Variants in AFG2A observed in about 807,000 individuals in gnomAD.
AFG2A encodes AAA ATPase AFG2A, also known as ATPase family gene 2 protein homolog A.
chr4:123,060,113 T>C, the AFG2A span, among the ~76,000 whole-genome samples: 19 of 152,212 alleles, frequency 1.2e-4, no homozygotes, highest in Admixed American at 2.0e-4. Context: ...CCCATGGTCT[T>C]GGGCAGCTCT....
At chr4:123,240,074 A>G in the AFG2A span, among the ~76,000 whole-genome samples, 248 of 152,330 alleles carry the variant, frequency 1.6e-3, no homozygotes, top group African/African-American at 5.7e-3. Context: ...ATCAAAAGAA[A>G]CAAAGAAGGT....
chr4:123,007,566 A>ATGTGTG, the AFG2A span, among the ~76,000 whole-genome samples: 2 of 40,184 alleles, frequency 5.0e-5, no homozygotes, highest in Admixed American at 3.3e-4. Flanking sequence ...GTGTGTGTGT[A>ATGTGTG]TATGTGTGTG....
chr4:123,002,049 C>T, the AFG2A span, among the ~76,000 whole-genome samples: 1 of 152,020 alleles, frequency 6.6e-6, no homozygotes, highest in Non-Finnish European at 1.5e-5. Flanking sequence ...ATCCCTTTAC[C>T]ATTATGTAAT....
chr4:123,074,812 C>T, the AFG2A span, among the ~76,000 whole-genome samples: 1 of 152,202 alleles, frequency 6.6e-6, no homozygotes, highest in African/African-American at 2.4e-5. Context: ...CCAAATGATA[C>T]TCTAGAAAGC....
At chr4:122,939,515 C>CT in the AFG2A span, among the ~76,000 whole-genome samples, 5 of 152,266 alleles carry the variant, frequency 3.3e-5, no homozygotes, top group South Asian at 4.1e-4. Flanking sequence ...ATACACTTTT[C>CT]ATGCTGGATT....
chr4:123,162,740 T>G, the AFG2A span, among the ~76,000 whole-genome samples: 2 of 152,174 alleles, frequency 1.3e-5, no homozygotes, highest in South Asian at 2.1e-4. Context: ...TATGAAGAGC[T>G]GTGGGTTGAC....
At chr4:123,076,989 C>T in the AFG2A span, among the ~76,000 whole-genome samples, 6 of 128,806 alleles carry the variant, frequency 4.7e-5, no homozygotes, top group African/African-American at 1.5e-4. Flanking sequence ...GGTGGTGGGG[C>T]GGGGGGGTTG....
At chr4:123,037,616 G>A in the AFG2A span, among the ~76,000 whole-genome samples, 14 of 151,838 alleles carry the variant, frequency 9.2e-5, no homozygotes, top group Non-Finnish European at 1.6e-4. Flanking sequence ...TGTTTATAAC[G>A]GGTACTAATA....
the AFG2A span, among the ~76,000 whole-genome samples, chr4:123,102,444 A>C: frequency 6.6e-6 from 1 of 151,808 alleles, no homozygotes; most frequent in African/African-American, 2.4e-5. Context: ...TGAGCAGCAT[A>C]TTTTCTTTTT....
the AFG2A span, among the ~76,000 whole-genome samples, chr4:123,135,595 G>T: frequency 6.6e-6 from 1 of 152,186 alleles, no homozygotes; most frequent in East Asian, 1.9e-4. Flanking sequence ...TATGCCTGCT[G>T]AATATCTACA....
At chr4:123,250,818 C>T in the AFG2A span, among the ~76,000 whole-genome samples, 1 of 152,098 alleles carries the variant, frequency 6.6e-6, no homozygotes, top group South Asian at 2.1e-4. Context: ...ATTGAGTTGT[C>T]ATATAGTGAT....
At chr4:122,983,199 T>G in the AFG2A span, among the ~76,000 whole-genome samples, 1 of 152,110 alleles carries the variant, frequency 6.6e-6, no homozygotes, top group Admixed American at 6.5e-5. Context: ...TATAGTAGTC[T>G]AGGCAAAGAT....
chr4:123,276,750 A>T, the AFG2A span, among the ~76,000 whole-genome samples: 1 of 152,056 alleles, frequency 6.6e-6, no homozygotes, highest in South Asian at 2.1e-4. Flanking sequence ...TCCTTGCTCT[A>T]TTGCTTGTTT....
the AFG2A span, among the ~76,000 whole-genome samples, chr4:123,191,823 A>G: frequency 2.6e-5 from 4 of 152,072 alleles, no homozygotes; most frequent in East Asian, 1.9e-4. Flanking sequence ...TAATCTGACT[A>G]CTAATCCTTT....
the AFG2A span, among the ~76,000 whole-genome samples, chr4:122,923,658 C>T: frequency 2.6e-5 from 4 of 152,290 alleles, no homozygotes; most frequent in South Asian, 8.3e-4. Context: ...TCCTAAAAAA[C>T]TAAATAACCA....
At chr4:123,210,705 C>T in the AFG2A span, among the ~76,000 whole-genome samples, 1 of 152,102 alleles carries the variant, frequency 6.6e-6, no homozygotes, top group Admixed American at 6.6e-5. Context: ...GATATATACC[C>T]AGCAGTGGGT....
At chr4:123,231,211 A>G in the AFG2A span, among the ~76,000 whole-genome samples, 26 of 152,140 alleles carry the variant, frequency 1.7e-4, no homozygotes, top group African/African-American at 6.3e-4. Context: ...AGGCTGTTTC[A>G]TCTACATTGA....
the AFG2A span, among the ~76,000 whole-genome samples, chr4:123,083,931 G>C: frequency 5.9e-5 from 9 of 152,030 alleles, no homozygotes; most frequent in Admixed American, 2.6e-4. Context: ...ACCAGGAAAC[G>C]ATCTGGGTTT....
chr4:122,999,293 G>T, the AFG2A span, among the ~76,000 whole-genome samples: 10 of 152,140 alleles, frequency 6.6e-5, no homozygotes, highest in Admixed American at 5.9e-4. Context: ...CTTTTGCTGT[G>T]CAGAAGTTCT....
Sources: gnomAD v4.1 joint callset for allele counts (sites outside exome capture counted in the v4.1 genomes callset) on GRCh38, gnomAD v4.1.1 for gene constraint, MANE v1.5 for transcripts, NCBI Gene and HGNC (gene_info 2026-07-23, HGNC 2026-07-21) for gene names.